The following CTNNA1 variants were observed in gnomAD, a reference collection of about 807,000 sequenced individuals.
CTNNA1 encodes the protein catenin alpha 1.
A neutral mutation model predicts 98.4 loss-of-function variants in CTNNA1; 37 were observed. The observed-to-expected ratio is 0.38, with a 90% CI of 0.29 to 0.49. The LOEUF (loss-of-function observed/expected upper bound fraction) is 0.49, where lower values mean the gene tolerates loss of function less well. CTNNA1 is among the 20% of genes least tolerant of loss of function. The pLI, the probability that CTNNA1 is intolerant of heterozygous loss-of-function variation, is 0.95. For synonymous variants in CTNNA1, 404 were observed against 413.2 expected (o/e 0.98, Z 0.27); for missense variants, 761 against 1,147.2 (o/e 0.66, Z 4.86).
chr5:138,767,260 TCTC>T (rs1753042142), intron 1 of CTNNA1, among the ~76,000 whole-genome samples: 1 of 152,128 alleles, frequency 6.6e-6, no homozygotes, highest in Non-Finnish European at 1.5e-5. Context: ...ATGGTCTCGA[TCTC>T]CTGACCTTGT....
intron 5 of CTNNA1, among the ~76,000 whole-genome samples, chr5:138,820,676 C>T (rs1015022386): frequency 5.3e-5 from 8 of 152,036 alleles, no homozygotes; most frequent in African/African-American, 9.7e-5. Flanking sequence ...TCCTCTGATG[C>T]GCTTTGGCAC....
intron 10 of CTNNA1, among the ~76,000 whole-genome samples, chr5:138,908,008 C>T (rs976657571): frequency 2.0e-5 from 3 of 151,566 alleles, no homozygotes; most frequent in Non-Finnish European, 2.9e-5. Context: ...GACAGAGTCT[C>T]GCTCTGTCAC....
intron 7 of CTNNA1, chr5:138,869,746 G>A (rs1033106763): frequency 2.6e-5 from 4 of 152,566 alleles, no homozygotes; most frequent in Admixed American, 6.6e-5. Context: ...AATTAGTGGC[G>A]TTGGGAAGTT....
intron 7 of CTNNA1, among the ~76,000 whole-genome samples, chr5:138,865,311 G>A (rs1461624045): frequency 3.3e-5 from 5 of 152,082 alleles, no homozygotes; most frequent in Admixed American, 1.3e-4. Flanking sequence ...CTTGGGTCAC[G>A]GCAAAGTTTA....
chr5:138,916,447 C>T (rs186789436), intron 10 of CTNNA1, among the ~76,000 whole-genome samples: 1 of 148,276 alleles, frequency 6.7e-6, no homozygotes, highest in Non-Finnish European at 1.5e-5. Flanking sequence ...AGGCTGGTCT[C>T]GAACTCCTGG....
At chr5:138,889,964 T>C (rs183168433) in intron 9 of CTNNA1, among the ~76,000 whole-genome samples, 6 of 152,330 alleles carry the variant, frequency 3.9e-5, no homozygotes, top group African/African-American at 1.2e-4. Context: ...CTACCACTTT[T>C]GTATTATAAT....
intron 3 of CTNNA1, among the ~76,000 whole-genome samples, chr5:138,795,024 C>T (rs1336597062): frequency 6.6e-6 from 1 of 151,492 alleles, no homozygotes; most frequent in African/African-American, 2.4e-5. Flanking sequence ...GTAGCACTCA[C>T]CTGTAGCCCC....
rs371872117 is a variant in CTNNA1 at position 138,782,072 on chromosome 5, A to G, written c.105+43A>G. 6.6e-5 allele frequency: 104 copies of G among 1,573,514 alleles called. 1 individual carries two copies. The African/African-American group carries it at 1.1e-3, about 17-fold the overall frequency. ...CAAATACATTGTAACATGGTTCTAT[A>G]GCACAGGCCTGGGTAACAACCATAA... On this transcript the variant is annotated intron_variant, in intron 2 of 17. Transcript: ENST00000302763.
intron 11 of CTNNA1, among the ~76,000 whole-genome samples, chr5:138,921,203 T>C (rs1034445685): frequency 1.3e-5 from 2 of 152,228 alleles, no homozygotes; most frequent in Admixed American, 6.5e-5. Context: ...ATAAAGACTC[T>C]TTGAATTTCA....
At chr5:138,865,942 A>G (rs1297670075) in intron 7 of CTNNA1, among the ~76,000 whole-genome samples, 3 of 152,136 alleles carry the variant, frequency 2.0e-5, no homozygotes, top group African/African-American at 4.8e-5. Context: ...CAGCGAGGCA[A>G]TGGGAAATGT....
At chr5:138,793,965 T>G (rs887947102) in intron 3 of CTNNA1, among the ~76,000 whole-genome samples, 3 of 151,988 alleles carry the variant, frequency 2.0e-5, no homozygotes, top group Admixed American at 6.6e-5. Context: ...TCAGATGGGC[T>G]TATAGTATTT....
chr5:138,804,313 A>G (rs1027160297), intron 3 of CTNNA1, among the ~76,000 whole-genome samples: 8 of 152,156 alleles, frequency 5.3e-5, no homozygotes, highest in African/African-American at 1.4e-4. Context: ...TTTTTGAGCT[A>G]TAACTCAACA....
chr5:138,904,559 G>A, intron 10 of CTNNA1, 118 bp downstream of exon 10: 1 of 1,310,208 alleles, frequency 7.6e-7, no homozygotes, highest in Admixed American at 2.6e-5. Flanking sequence ...GAAGTCTTGG[G>A]GACAGATCAC....
At chr5:138,894,442 A>G (rs369249848) in intron 9 of CTNNA1, among the ~76,000 whole-genome samples, 1,687 of 148,080 alleles carry the variant, frequency 0.011, 27 homozygotes, top group African/African-American at 0.04. Flanking sequence ...ACCATGCCTC[A>G]CTAATTTTTT....
intron 7 of CTNNA1, among the ~76,000 whole-genome samples, chr5:138,847,612 G>C (rs527660137): frequency 6.6e-6 from 1 of 152,186 alleles, no homozygotes; most frequent in Non-Finnish European, 1.5e-5. Context: ...TTCAGGCACT[G>C]TGGCAGGAAG....
intron 7 of CTNNA1, chr5:138,880,918 G>A (rs1287103560): frequency 2.5e-6 from 1 of 401,892 alleles, no homozygotes; most frequent in African/African-American, 2.1e-5. Flanking sequence ...GAGGGGCAGT[G>A]ACAAGTGATA....
At position 138,827,574 on chromosome 5, in the gene CTNNA1, G is replaced by A; in HGVS notation, c.918G>A (p.Glu306=). 1 of 1,614,224 alleles carries A rather than the reference G, an allele frequency of 6.2e-7. No individual in the cohort carries two copies. The highest frequency in any genetic ancestry group is 8.5e-7 in the Non-Finnish European group (1 of 1,180,042). Residue 306 remains glutamate (E), a synonymous_variant, in exon 7 of 18, where the codon GAG becomes GAA. Coordinates refer to ENST00000302763, the MANE Select transcript of CTNNA1 (RefSeq NM_001903.5). ...AGGAGCGCTTTAGGCCTTCCCTGGA[G>A]GAGCGTCTGGAAAGCATCATTAGTG... The part of the protein sequence containing the change: ...FSEERFRPSL[E]ERLESIISGA...
chr5:138,920,512 CAAG>C (rs1381588872), intron 11 of CTNNA1, among the ~76,000 whole-genome samples: 16 of 152,340 alleles, frequency 1.1e-4, no homozygotes, highest in African/African-American at 3.8e-4. Context: ...GGCTGCCTGG[CAAG>C]TGCCCAGCAC....
At chr5:138,803,914 C>T (rs1757827915) in intron 3 of CTNNA1, among the ~76,000 whole-genome samples, 1 of 152,192 alleles carries the variant, frequency 6.6e-6, no homozygotes, top group Non-Finnish European at 1.5e-5. Context: ...TAGAATAGTG[C>T]CTGGCTGATA....
Sources: gnomAD v4.1 joint callset for allele counts (sites outside exome capture counted in the v4.1 genomes callset) on GRCh38, gnomAD v4.1.1 for gene constraint, MANE v1.5 for transcripts, NCBI Gene and HGNC (gene_info 2026-07-23, HGNC 2026-07-21) for gene names.